The following PDLIM2 variants were observed in gnomAD, a reference collection of about 807,000 sequenced individuals.
PDLIM2 encodes PDZ and LIM domain 2, also known as PDZ and LIM domain protein 2.
A neutral mutation model predicts 54.1 loss-of-function variants in PDLIM2; 51 were observed. The ratio of observed to expected loss-of-function variants is 0.94; its 90% CI spans 0.75 to 1.19. The LOEUF (loss-of-function observed/expected upper bound fraction) is 1.19, where lower values mean the gene tolerates loss of function less well. PDLIM2 is among the 50% of genes most tolerant of loss of function. The pLI is 0.00. For missense variants in PDLIM2, 912 were observed against 874.0 expected, an observed-to-expected ratio of 1.04 and a Z score of -0.55; for synonymous variants, 398 against 385.6, an observed-to-expected ratio of 1.03 and a Z score of -0.38.
At chr8:22,587,627 G>C (rs911119548) in intron 6 of PDLIM2, 3 of 152,232 alleles carry the variant, frequency 2.0e-5, no homozygotes, top group Non-Finnish European at 4.4e-5. Context: ...TGGATTTGGA[G>C]ATAAAAGGTC....
At chr8:22,591,149 T>G (rs1016409467) in intron 8 of PDLIM2, 3 of 250,308 alleles carry the variant, frequency 1.2e-5, no homozygotes, top group African/African-American at 7.0e-5. Context: ...GGCTTCATCT[T>G]CGTGTGGCTT....
At chr8:22,585,189 T>C in intron 5 of PDLIM2, 27 bp downstream of exon 4, 1 of 1,610,280 alleles carries the variant, frequency 6.2e-7, no homozygotes, top group African/African-American at 1.3e-5. Context: ...GTGGGTACCC[T>C]GGTCGCCTGC....
rs1386391804 is a variant in PDLIM2, at chr8:22,585,474, G to A, written c.1290+75G>A. On this transcript the variant is annotated intron_variant, in intron 6 of 9. Coordinates refer to ENST00000308354, the Ensembl canonical transcript of PDLIM2. The stretch of plus-strand genomic sequence containing the variant: ...TTCCTGTGGGTTGCCAGTGCCCCGG[G>A]ACTGCAGGCGGCCAGGCCCACCTGG... The A allele has an allele frequency of 4.2e-6, 6 of 1,441,058 alleles. No homozygotes were observed. In the East Asian group the frequency reaches 1.0e-4, roughly 24 times the overall value. 89.3% of individuals were successfully genotyped at this position (1,441,058 alleles called of 1,614,324 possible).
At chr8:22,581,475 G>A (rs892718950) in exon 3 of PDLIM2, 4 of 1,605,316 alleles carry the variant, frequency 2.5e-6, no homozygotes, top group African/African-American at 1.3e-5. Flanking sequence ...GCTGCATGCC[G>A]AGGCCCAGAG....
At chr8:22,579,774 T>A in intron 1 of PDLIM2, 1 of 414,200 alleles carries the variant, frequency 2.4e-6, no homozygotes, top group Non-Finnish European at 4.3e-6. Context: ...GCTCCAGAGC[T>A]AGAGGCTCAG....
chr8:22,583,417 C>T (rs1000940134), intron 3 of PDLIM2, among the ~76,000 whole-genome samples: 1 of 152,138 alleles, frequency 6.6e-6, no homozygotes, highest in Non-Finnish European at 1.5e-5. Flanking sequence ...GCTCACTTTC[C>T]CTCTCTGGGT....
At chr8:22,579,281 C>G (rs920353988) in exon 1 of PDLIM2, 6 of 1,373,034 alleles carry the variant, frequency 4.4e-6, no homozygotes, top group Non-Finnish European at 5.6e-6. Context: ...CGCCGGGCTC[C>G]TCTCCGCGCC....
intron 6 of PDLIM2, among the ~76,000 whole-genome samples, chr8:22,587,026 G>A (rs1800399371): frequency 6.6e-6 from 1 of 152,180 alleles, no homozygotes; most frequent in African/African-American, 2.4e-5. Flanking sequence ...GACGCTCTGA[G>A]TTCCCTTCTC....
At chr8:22,585,526 A>T in intron 6 of PDLIM2, 127 bp downstream of exon 5, 1 of 906,844 alleles carries the variant, frequency 1.1e-6, no homozygotes, top group Non-Finnish European at 1.7e-6. Context: ...TCTCCTGGCC[A>T]CAGGCATGCT....
chr8:22,583,545 C>G (rs991544177), intron 3 of PDLIM2, among the ~76,000 whole-genome samples: 1 of 152,168 alleles, frequency 6.6e-6, no homozygotes, highest in African/African-American at 2.4e-5. Flanking sequence ...TCGGGCGGAT[C>G]ACCTGAGGTC....
At chr8:22,579,112 C>A in exon 1 of PDLIM2, 3 of 1,274,054 alleles carry the variant, frequency 2.4e-6, no homozygotes, top group Non-Finnish European at 3.0e-6. Flanking sequence ...GTCCGGGAGC[C>A]CCGGGCGGGC....
At chr8:22,583,649 C>T (rs1281786815) in intron 3 of PDLIM2, among the ~76,000 whole-genome samples, 1 of 151,728 alleles carries the variant, frequency 6.6e-6, no homozygotes, top group Non-Finnish European at 1.5e-5. Context: ...ACCTGTAGTC[C>T]CAGCTACCTG....
Position 22,594,082 on chromosome 8 carries a change from G to A in PDLIM2, c.*172G>A. 10 of 1,433,356 alleles carry A rather than the reference G, an allele frequency of 7.0e-6. No homozygotes were observed. In the South Asian group the frequency reaches 9.0e-5, roughly 13 times the overall value. 88.8% of individuals were successfully genotyped at this position (1,433,356 alleles called of 1,614,324 possible). A position where few individuals can be genotyped will look rare whatever the true frequency, so the allele number is the denominator to read the frequency against. ...GTCTGGGACCTGTCTTGGACTGTGG[G>A]AGACTCACCCTCACCTTGCCAGGCC... On this transcript the variant is annotated 3_prime_UTR_variant, in exon 10 of 10. Transcript: ENST00000308354.
At chr8:22,589,611 G>T in exon 8 of PDLIM2, 1 of 1,602,848 alleles carries the variant, frequency 6.2e-7, no homozygotes, top group Non-Finnish European at 8.5e-7. Context: ...ACTCGGAAGG[G>T]GGAAGCCTCC....
chr8:22,589,654 C>T (rs756547931), exon 8 of PDLIM2: 95 of 1,591,412 alleles, frequency 6.0e-5, no homozygotes, highest in Non-Finnish European at 7.8e-5. Context: ...CTTCAAGATG[C>T]TGCAGGAAAA....
chr8:22,586,690 C>T (rs1031826670), intron 6 of PDLIM2, among the ~76,000 whole-genome samples: 6 of 152,142 alleles, frequency 3.9e-5, no homozygotes, highest in African/African-American at 7.2e-5. Context: ...CTCTGTTCCG[C>T]GACACCTCTG....
chr8:22,585,142 A>G, exon 5 of PDLIM2: 1 of 1,613,430 alleles, frequency 6.2e-7, no homozygotes, highest in Non-Finnish European at 8.5e-7. Flanking sequence ...CCCTCACTGG[A>G]GAGGCAGCCA....
intron 3 of PDLIM2, among the ~76,000 whole-genome samples, chr8:22,583,869 A>T (rs1586921256): frequency 9.4e-6 from 1 of 106,558 alleles, no homozygotes; most frequent in East Asian, 2.2e-4. Context: ...AAAAAAAAAA[A>T]AAAAAAAAAA....
At chr8:22,597,011 CTCTGGTCACA>C (rs1800696664), downstream of PDLIM2, 1 of 152,108 alleles carries the variant, frequency 6.6e-6, no homozygotes, top group Non-Finnish European at 1.5e-5. Context: ...CTCTGGTCAC[CTCTGGTCACA>C]ACTGGAGGTC....
Sources: allele counts gnomAD v4.1 joint callset (sites outside exome capture counted in the v4.1 genomes callset), GRCh38; gene constraint gnomAD v4.1.1; transcripts MANE v1.5; gene names NCBI Gene and HGNC (gene_info 2026-07-23, HGNC 2026-07-21).